The following AJAP1 variants were observed in gnomAD, a reference collection of about 807,000 sequenced individuals.
AJAP1 encodes the protein adherens junction-associated protein 1.
Under a neutral mutation model 35.0 loss-of-function variants are expected in AJAP1, and 5 were observed. That is an observed-to-expected ratio of 0.14 (90% CI 0.07 to 0.30). AJAP1 has a LOEUF of 0.30. Among genes scored for constraint, AJAP1 ranks in the 10% least tolerant of loss-of-function variants. AJAP1 has a pLI of 1.00. For synonymous variants in AJAP1, 284 were observed against 249.3 expected (o/e 1.14, Z -1.31); for missense variants, 586 against 571.0 (o/e 1.03, Z -0.27).
chr1:4,670,337 A>T (rs1037087623), intron 1 of AJAP1, among the ~76,000 whole-genome samples: 5 of 152,212 alleles, frequency 3.3e-5, no homozygotes, highest in African/African-American at 1.2e-4. Context: ...TTGGGAGTGG[A>T]TTAAAGCAAT....
intron 1 of AJAP1, among the ~76,000 whole-genome samples, chr1:4,674,890 T>C (rs1306586295): frequency 6.6e-6 from 1 of 152,266 alleles, no homozygotes; most frequent in East Asian, 1.9e-4. Flanking sequence ...CTGCTCTTCC[T>C]TTTTGACATT....
At chr1:4,764,683 G>A (rs899381436) in intron 2 of AJAP1, among the ~76,000 whole-genome samples, 9 of 152,110 alleles carry the variant, frequency 5.9e-5, no homozygotes, top group Non-Finnish European at 1.2e-4. Flanking sequence ...TAATTCAGAC[G>A]CTCCCGATTT....
Position 4,655,612 on chromosome 1 carries a change from G to C in AJAP1, c.29+158G>C, listed in dbSNP as rs968993898. On this transcript the variant is annotated intron_variant, in intron 1 of 5. Transcript: ENST00000378191. The surrounding 1 kb of genome is among the most constrained non-coding windows in gnomAD (Gnocchi z 6.9). The stretch of plus-strand genomic sequence containing the variant: ...GTAGCCGGAAAGGGGCGCCCGCCCG[G>C]AGCCTGGAGCAGCACCGCGGCCCTG... Among the ~76,000 whole-genome samples the C allele has an allele frequency of 1.3e-5, 2 of 151,184 alleles. No individual in the cohort carries two copies. The highest frequency in any genetic ancestry group is 2.4e-5 in the African/African-American group (1 of 41,312).
chr1:4,714,870 T>C (rs1640353489), intron 2 of AJAP1, among the ~76,000 whole-genome samples: 1 of 152,096 alleles, frequency 6.6e-6, no homozygotes, highest in Non-Finnish European at 1.5e-5. Context: ...CCTAACTGGG[T>C]TCCTCATAGC....
chr1:4,688,027 C>CT (rs755159454), intron 1 of AJAP1, among the ~76,000 whole-genome samples: 121 of 152,274 alleles, frequency 7.9e-4, no homozygotes, highest in Non-Finnish European at 1.5e-3. Context: ...TCCCAGTGAG[C>CT]TGGAAGGCCT....
chr1:4,748,569 A>T (rs1557638297), intron 2 of AJAP1, among the ~76,000 whole-genome samples: 1 of 152,026 alleles, frequency 6.6e-6, no homozygotes, highest in South Asian at 2.1e-4. Flanking sequence ...CCAATATGGT[A>T]AAACCCTGTC....
At chr1:4,769,802 CT>C in intron 2 of AJAP1, 50 bp from the exon 3 acceptor site, 1 of 1,523,368 alleles carries the variant, frequency 6.6e-7, no homozygotes, top group East Asian at 2.3e-5. Context: ...CCCCCCTCGC[CT>C]CCTGAACCTG....
chr1:4,719,339 C>T (rs147019432), intron 2 of AJAP1, among the ~76,000 whole-genome samples: 5 of 152,210 alleles, frequency 3.3e-5, no homozygotes, highest in African/African-American at 9.6e-5. Flanking sequence ...TAAAAAATTC[C>T]AGTTGGGAAA....
At chr1:4,776,137 G>A (rs2100368034) in intron 5 of AJAP1, among the ~76,000 whole-genome samples, 1 of 152,394 alleles carries the variant, frequency 6.6e-6, no homozygotes, top group Non-Finnish European at 1.5e-5. Context: ...GTCAACTCGG[G>A]GGGACAGCCC....
intron 3 of AJAP1, among the ~76,000 whole-genome samples, chr1:4,770,382 T>G (rs1422752352): frequency 1.3e-5 from 2 of 152,220 alleles, no homozygotes; most frequent in African/African-American, 4.8e-5. Context: ...GTTTGTATTC[T>G]TCGTTCCTCT....
chr1:4,765,106 G>A (rs1470950465), intron 2 of AJAP1, among the ~76,000 whole-genome samples: 3 of 152,190 alleles, frequency 2.0e-5, no homozygotes, highest in Non-Finnish European at 4.4e-5. Context: ...AACAGAAGCA[G>A]AAAAAGCCCC....
chr1:4,716,229 A>C (rs1018400763), intron 2 of AJAP1, among the ~76,000 whole-genome samples: 2 of 152,220 alleles, frequency 1.3e-5, no homozygotes, highest in Non-Finnish European at 2.9e-5. Flanking sequence ...TTCACCATAC[A>C]TATGAAGTAA....
In AJAP1 at chr1:4,752,873, G is replaced by A. The variant is rs555121003; in HGVS notation, c.830-16980G>A. Among the ~76,000 whole-genome samples, 81 of 152,296 alleles carry A rather than the reference G, an allele frequency of 5.3e-4. 1 individual carries two copies. The highest frequency in any genetic ancestry group is 2.5e-3 in the Admixed American group (38 of 15,296). Reference sequence around the variant, plus strand: ...AGACTGGGTCCTCTAGGGAAAAGGAGGCCTTGCAGAGCCCCCAAAGACACA... The same window carrying A: ...AGACTGGGTCCTCTAGGGAAAAGGAAGCCTTGCAGAGCCCCCAAAGACACA... On this transcript the variant is annotated intron_variant, in intron 2 of 5. Coordinates refer to ENST00000378191, the MANE Select transcript of AJAP1 (RefSeq NM_018836.4).
At chr1:4,727,604 C>T (rs558630457) in intron 2 of AJAP1, among the ~76,000 whole-genome samples, 5 of 152,290 alleles carry the variant, frequency 3.3e-5, no homozygotes, top group African/African-American at 9.6e-5. Context: ...CCTGGGTGCC[C>T]GGAAGACCCT....
chr1:4,660,392 G>A (rs889138101), intron 1 of AJAP1, among the ~76,000 whole-genome samples: 8 of 152,040 alleles, frequency 5.3e-5, no homozygotes, highest in Middle Eastern at 3.2e-3. Flanking sequence ...TGATGGAAAC[G>A]TTCTCTATCT....
At chr1:4,686,734 G>C (rs1230878554) in intron 1 of AJAP1, among the ~76,000 whole-genome samples, 1 of 152,206 alleles carries the variant, frequency 6.6e-6, no homozygotes, top group African/African-American at 2.4e-5. Flanking sequence ...AGAAAGGCTT[G>C]CTCTTCCCGG....
intron 2 of AJAP1, among the ~76,000 whole-genome samples, chr1:4,769,646 A>G (rs1479227044): frequency 6.6e-6 from 1 of 152,014 alleles, no homozygotes; most frequent in Non-Finnish European, 1.5e-5. Context: ...CCCTTCCTGG[A>G]CCCCGGGTGA....
intron 2 of AJAP1, among the ~76,000 whole-genome samples, chr1:4,743,387 T>C (rs957168682): frequency 2.0e-5 from 3 of 152,102 alleles, no homozygotes; most frequent in African/African-American, 7.2e-5. Flanking sequence ...CTCGAGACAG[T>C]GCACCTGGTT....
intron 5 of AJAP1, among the ~76,000 whole-genome samples, chr1:4,775,822 T>C (rs983713339): frequency 6.6e-6 from 1 of 152,212 alleles, no homozygotes; most frequent in Non-Finnish European, 1.5e-5. Flanking sequence ...TGGGGGGATG[T>C]GCAGCCTAGA....
Sources: gnomAD v4.1 joint callset for allele counts (sites outside exome capture counted in the v4.1 genomes callset) on GRCh38, gnomAD v4.1.1 for gene constraint, Gnocchi (gnomAD v3.1) non-coding constraint, MANE v1.5 for transcripts, NCBI Gene and HGNC (gene_info 2026-07-23, HGNC 2026-07-21) for gene names.